Variants in CTU1 observed in about 807,000 individuals in gnomAD.
CTU1 encodes the protein cytosolic thiouridylase subunit 1, also known as cytoplasmic tRNA 2-thiolation protein 1.
CTU1 carries 15 observed loss-of-function variants against 12.9 expected under a neutral mutation model. The observed-to-expected ratio is 1.16, with a 90% confidence interval of 0.78 to 1.79. CTU1 has a LOEUF of 1.79. CTU1 is among the 40% of genes most tolerant of loss of function. The pLI, the probability that CTU1 is intolerant of heterozygous loss-of-function variation, is 0.00. For synonymous variants in CTU1, 295 were observed against 275.6 expected (o/e 1.07, Z -0.70); for missense variants, 553 against 550.5 (o/e 1.00, Z -0.05).
intron 2 of CTU1, among the ~76,000 whole-genome samples, chr19:51,102,444 C>A (rs532876826): frequency 2.0e-5 from 3 of 152,354 alleles, no homozygotes; most frequent in African/African-American, 7.2e-5. Flanking sequence ...GCTCAGTAAG[C>A]CTTCCCCAGA....
intron 2 of CTU1, 106 bp downstream of exon 2, chr19:51,103,956 C>T (rs1830439783): frequency 6.7e-6 from 8 of 1,196,244 alleles, no homozygotes; most frequent in Non-Finnish European, 7.6e-6. Flanking sequence ...CTCCTCGCCG[C>T]CTTCTGGAGC....
chr19:51,098,878 G>T lies in CTU1; in HGVS notation c.770C>A (p.Ala257Glu). 6.9e-7 allele frequency: 1 copy of T among 1,450,388 alleles called. No homozygotes were observed. 89.8% of individuals were successfully genotyped at this position (1,450,388 alleles called of 1,614,324 possible). Residue 257 changes from alanine to glutamate, a missense_variant, in exon 3 of 3, where the codon GCG becomes GAG. Ala to Glu is a moderately radical substitution (Grantham distance 107). Coordinates refer to ENST00000421832, the MANE Select transcript of CTU1 (RefSeq NM_145232.4). This position sits in a 1 kb window ranked among gnomAD's most constrained non-coding sequence, Gnocchi z 4.3. ...HARDLLKRLE[A>E]ARPSAVLDLV... ...GTCCAGCACCGCGGACGGCCGCGCC[G>T]CCTCCAGGCGCTTGAGCAGGTCCCG...
intron 2 of CTU1, among the ~76,000 whole-genome samples, chr19:51,100,929 TTGTGCGTGTGTG>T (rs2091905879): frequency 8.3e-6 from 1 of 120,900 alleles, no homozygotes; most frequent in East Asian, 2.0e-4. Flanking sequence ...TTTTGTTTTA[TTGTGCGTGTGTG>T]TGTGTGTGTG....
chr19:51,106,574 C>CGGCT (rs1334114763), intron 1 of CTU1, among the ~76,000 whole-genome samples: 1 of 152,108 alleles, frequency 6.6e-6, no homozygotes, highest in African/African-American at 2.4e-5. Context: ...GGCACAATCT[C>CGGCT]GGCTCACTGT....
intron 2 of CTU1, among the ~76,000 whole-genome samples, chr19:51,103,673 CTG>C (rs1161626700): frequency 2.0e-5 from 3 of 151,570 alleles, no homozygotes; most frequent in Non-Finnish European, 4.4e-5. Context: ...AGAGAAAGAG[CTG>C]GATTCTGAAA....
rs781417808 is a variant in CTU1, at chr19:51,099,029, G to C, written c.619C>G (p.Leu207Val). 22 of 1,512,572 alleles carry C rather than the reference G, an allele frequency of 1.5e-5. No homozygotes were observed. The highest frequency in any genetic ancestry group is 1.9e-5 in the Non-Finnish European group (21 of 1,134,504). 93.7% of individuals were successfully genotyped at this position (1,512,572 alleles called of 1,614,324 possible). A position where few individuals can be genotyped will look rare whatever the true frequency, so the allele number is the denominator to read the frequency against. Residue 207 changes from leucine (L) to valine (V), a missense_variant, in exon 3 of 3, where the codon CTG becomes GTG. Transcript: ENST00000421832. ...AACTGCAGCGGGCGGCAGCGCGGCA[G>C]GGCGCCCCCCTCGCCGGGAGAGCCC... ...GLGSPGEGGA[L>V]PRCRPLQFAS...
intron 1 of CTU1, among the ~76,000 whole-genome samples, chr19:51,106,574 C>T (rs574517718): frequency 1.3e-5 from 2 of 152,108 alleles, no homozygotes; most frequent in African/African-American, 4.8e-5. Flanking sequence ...GGCACAATCT[C>T]GGCTCACTGT....
chr19:51,103,061 T>C (rs958708629), intron 2 of CTU1, among the ~76,000 whole-genome samples: 3 of 152,244 alleles, frequency 2.0e-5, no homozygotes, highest in Non-Finnish European at 2.9e-5. Flanking sequence ...GATAATAGCA[T>C]GTATAAAATG....
Position 51,104,046 on chromosome 19 carries a change from C to T in CTU1, c.508+16G>A. On this transcript the variant is annotated intron_variant, in intron 2 of 2. Coordinates refer to ENST00000421832, the MANE Select transcript of CTU1 (RefSeq NM_145232.4). ...TGCCTCGGAGAGTGCCGCTCTGCGG[C>T]CCGTACTACGCTCACCTGTCACGAT... 1 of 1,431,672 alleles carries T rather than the reference C, an allele frequency of 7.0e-7. No individual in the cohort carries two copies. Among genetic ancestry groups the T allele is most frequent in the Non-Finnish European group, 9.1e-7 (1 of 1,102,892 alleles). The allele number at this position is 1,431,672 out of a possible 1,614,324, so 88.7% of individuals were successfully genotyped here.
chr19:51,098,853 G>T lies in CTU1; in HGVS notation c.795C>A (p.Asp265Glu). 1.5e-6 allele frequency: 2 copies of T among 1,361,630 alleles called. 1 individual carries two copies. Among genetic ancestry groups the T allele is most frequent in the Non-Finnish European group, 1.9e-6 (2 of 1,050,360 alleles). The allele number at this position is 1,361,630 out of a possible 1,614,324, so 84.3% of individuals were successfully genotyped here. A position where few individuals can be genotyped will look rare whatever the true frequency, so the allele number is the denominator to read the frequency against. ...CCAGGCGCTCGGCCGAGTGCACGAG[G>T]TCCAGCACCGCGGACGGCCGCGCCG... The part of the protein sequence containing the change: ...LEAARPSAVL[D>E]LVHSAERLAL... The change falls in exon 3 of 3, where the codon GAC (aspartate) becomes GAA (glutamate). Residue 265 changes from aspartate to glutamate, a missense_variant. Coordinates refer to ENST00000421832, the MANE Select transcript of CTU1 (RefSeq NM_145232.4). This position sits in a 1 kb window ranked among gnomAD's most constrained non-coding sequence, Gnocchi z 4.3.
At position 51,098,672 on chromosome 19, in the gene CTU1, C is replaced by G; in HGVS notation, c.976G>C (p.Glu326Gln). 7.7e-7 allele frequency: 1 copy of G among 1,301,752 alleles called. No homozygotes were observed. The highest frequency in any genetic ancestry group is 9.8e-7 in the Non-Finnish European group (1 of 1,023,792). 80.6% of individuals were successfully genotyped at this position (1,301,752 alleles called of 1,614,324 possible). The change falls in exon 3 of 3, where the codon GAG becomes CAG. Residue 326 changes from glutamate (E) to glutamine (Q), a missense_variant. By Grantham distance (29) the Glu-to-Gln change is conservative. Transcript: ENST00000421832. This position sits in a 1 kb window ranked among gnomAD's most constrained non-coding sequence, Gnocchi z 4.3. ...CCGGGCGTCCCCGGCGTCGCCTCCT[C>G]GTCCAGACCCCGGCGGCCCTTGCCG... ...AIGKGRRGLDEEATPGTPGDP... is the reference protein window; with the variant it reads ...AIGKGRRGLDQEATPGTPGDP...
Position 51,099,109 on chromosome 19 carries a change from A to T in CTU1, c.539T>A (p.Val180Glu). The T allele has an allele frequency of 2.6e-6, 4 of 1,565,582 alleles. No homozygotes were observed. The highest frequency in any genetic ancestry group is 3.4e-6 in the Non-Finnish European group (4 of 1,165,350). The change falls in exon 3 of 3, where the codon GTG (valine) becomes GAG (glutamate). Residue 180 changes from valine (V) to glutamate (E), a missense_variant. Coordinates refer to ENST00000421832, the MANE Select transcript of CTU1 (RefSeq NM_145232.4). Reference sequence around the variant, plus strand: ...GTCGCCCCGTAGGAAGTTCATGAGCACGGTCTCCGCCATGTCGTCGGCGTT... The same window carrying T: ...GTCGCCCCGTAGGAAGTTCATGAGCTCGGTCTCCGCCATGTCGTCGGCGTT... ...GHNADDMAET[V>E]LMNFLRGDAG...
chr19:51,103,912 C>T, intron 2 of CTU1, 150 bp downstream of exon 2: 1 of 810,534 alleles, frequency 1.2e-6, no homozygotes, highest in Non-Finnish European at 1.7e-6. Context: ...TTCCGCACCT[C>T]CGTACAGGGA....
rs747757810 is a variant in CTU1, at chr19:51,104,360, C to G, written c.210G>C (p.Val70=). ...CCAGGCGCGGCGCCAGCGCGCGCAGCACGTGCGCCAGCACCGTGGAGTCCT... is the reference window on the plus strand; with the variant it reads ...CCAGGCGCGGCGCCAGCGCGCGCAGGACGTGCGCCAGCACCGTGGAGTCCT... ...GGKDSTVLAH[V]LRALAPRLGI... Residue 70 remains valine, a synonymous_variant, in exon 2 of 3, where the codon GTG becomes GTC. Transcript: ENST00000421832. The G allele has an allele frequency of 1.4e-6, 2 of 1,428,000 alleles. No individual in the cohort carries two copies. Among genetic ancestry groups the G allele is most frequent in the South Asian group, 2.6e-5 (2 of 75,890 alleles). 88.5% of individuals were successfully genotyped at this position (1,428,000 alleles called of 1,614,324 possible). A position where few individuals can be genotyped will look rare whatever the true frequency, so the allele number is the denominator to read the frequency against.
At chr19:51,101,793 C>G (rs1356666815) in intron 2 of CTU1, among the ~76,000 whole-genome samples, 1 of 152,160 alleles carries the variant, frequency 6.6e-6, no homozygotes, top group Non-Finnish European at 1.5e-5. Context: ...TTGCTCCACA[C>G]CTTGTCATTA....
intron 2 of CTU1, 136 bp downstream of exon 2, chr19:51,103,926 T>G (rs2091912944): frequency 1.1e-6 from 1 of 926,094 alleles, no homozygotes; most frequent in South Asian, 2.3e-5. Context: ...ACAGGGATCC[T>G]CCCATTAAGC....
chr19:51,099,057 G>GCC lies in CTU1; in HGVS notation c.589_590dup (p.Leu198AlafsTer112). ...CGCCCCCCTCGCCGGGAGAGCCCAG[G>GCC]CCCCCGCCCCGGGCCAGCCGCCCCG... On this transcript the variant is annotated frameshift_variant, in exon 3 of 3. Transcript: ENST00000421832. LOFTEE classifies it high-confidence loss of function. 6.6e-7 allele frequency: 1 copy of GCC among 1,515,956 alleles called. No homozygotes were observed. Among genetic ancestry groups the GCC allele is most frequent in the Non-Finnish European group, 8.8e-7 (1 of 1,137,166 alleles). 93.9% of individuals were successfully genotyped at this position (1,515,956 alleles called of 1,614,324 possible).
chr19:51,100,612 G>T (rs1599806355), intron 2 of CTU1, among the ~76,000 whole-genome samples: 1 of 152,020 alleles, frequency 6.6e-6, no homozygotes, highest in African/African-American at 2.4e-5. Flanking sequence ...AGAAAAAAAA[G>T]AAAAGAAAAT....
At chr19:51,105,550 T>G (rs916799602) in intron 1 of CTU1, among the ~76,000 whole-genome samples, 1 of 152,182 alleles carries the variant, frequency 6.6e-6, no homozygotes, top group African/African-American at 2.4e-5. Flanking sequence ...AGTCACCTCC[T>G]TGCCATTCAG....
Sources: allele counts gnomAD v4.1 joint callset (sites outside exome capture counted in the v4.1 genomes callset), GRCh38; gene constraint gnomAD v4.1.1; non-coding constraint Gnocchi (gnomAD v3.1); transcripts MANE v1.5; gene names NCBI Gene and HGNC (gene_info 2026-07-23, HGNC 2026-07-21).